The following MATK variants were observed in gnomAD, a reference collection of about 807,000 sequenced individuals.
MATK encodes megakaryocyte-associated tyrosine kinase.
A neutral mutation model predicts 59.8 loss-of-function variants in MATK; 41 were observed. The observed-to-expected ratio is 0.69, with a 90% CI of 0.53 to 0.89. MATK has a LOEUF of 0.89. Ranked by LOEUF, MATK falls within the 40% of genes least tolerant of loss-of-function variation. MATK has a pLI of 0.00. For synonymous variants in MATK, 308 were observed against 306.1 expected (o/e 1.01, Z -0.06); for missense variants, 593 against 719.6 (o/e 0.82, Z 2.01).
At position 3,784,676 on chromosome 19, in the gene MATK, G is replaced by T. The variant is rs1205196939; in HGVS notation, c.132+149C>A. The T allele has an allele frequency of 2.9e-5, 21 of 717,034 alleles. No individual in the cohort carries two copies. The South Asian group carries it at 3.3e-4, about 11-fold the overall frequency. The allele number at this position is 717,034 out of a possible 1,614,324, so 44.4% of individuals were successfully genotyped here. ...AGAGGCGGCCTGGGACAGAAGGTCA[G>T]GAAGCCAAGATGACTGAGAAAGGCC... is the stretch of plus-strand genomic sequence containing the variant. On this transcript the variant is annotated intron_variant, in intron 3 of 13. Transcript: ENST00000310132.
chr19:3,795,213 G>A (rs558220157), intron 1 of MATK, among the ~76,000 whole-genome samples: 1 of 149,918 alleles, frequency 6.7e-6, no homozygotes, highest in South Asian at 2.1e-4. Context: ...TCCTGACCTC[G>A]TGATCCGCCC....
intron 1 of MATK, among the ~76,000 whole-genome samples, chr19:3,796,211 A>G (rs1176277183): frequency 1.3e-5 from 2 of 152,206 alleles, no homozygotes; most frequent in Admixed American, 6.5e-5. Context: ...GTTGGTATGA[A>G]TAGCAGCTGA....
At chr19:3,778,649 C>T in intron 12 of MATK, 54 bp from the exon 13 acceptor site, 2 of 1,546,716 alleles carry the variant, frequency 1.3e-6, no homozygotes, top group Non-Finnish European at 1.8e-6. Flanking sequence ...TCTGCTCCAG[C>T]CCCTGCTTCC....
At chr19:3,796,962 GTCTC>G (rs142558357) in intron 1 of MATK, among the ~76,000 whole-genome samples, 37 of 151,506 alleles carry the variant, frequency 2.4e-4, no homozygotes, top group Non-Finnish European at 4.1e-4. Flanking sequence ...GTTAATTTCT[GTCTC>G]TCTCTCTCTC....
At chr19:3,783,432 A>C (rs2037429933) in intron 6 of MATK, 1 of 601,606 alleles carries the variant, frequency 1.7e-6, no homozygotes, top group Non-Finnish European at 3.0e-6. Context: ...TCCCCAGAGG[A>C]GTCACTCTAG....
chr19:3,783,032 T>C (rs2037422508), intron 7 of MATK, 94 bp downstream of exon 7: 1 of 1,116,044 alleles, frequency 9.0e-7, no homozygotes, highest in Non-Finnish European at 1.3e-6. Flanking sequence ...GCTTGGGTGA[T>C]CTGGCCTCAG....
At position 3,799,331 on chromosome 19, in the gene MATK, C is replaced by T. The variant is rs1053941883; in HGVS notation, c.-58+2201G>A. Reference sequence around the variant, plus strand: ...CCATAGCTGATAAGTTAAAGGGCCACGCTGTGACTAGAGCCCAGAGTCACC... The same window carrying T: ...CCATAGCTGATAAGTTAAAGGGCCATGCTGTGACTAGAGCCCAGAGTCACC... On this transcript the variant is annotated intron_variant, in intron 1 of 13. Transcript: ENST00000395045. Among the ~76,000 whole-genome samples the T allele has an allele frequency of 3.3e-5, 5 of 152,186 alleles. No homozygotes were observed. In the South Asian group the frequency reaches 8.3e-4, roughly 25 times the overall value.
At chr19:3,800,611 A>T (rs2037634964) in intron 1 of MATK, among the ~76,000 whole-genome samples, 1 of 151,670 alleles carries the variant, frequency 6.6e-6, no homozygotes, top group Non-Finnish European at 1.5e-5. Flanking sequence ...GCGCCACTGC[A>T]CTCCAGCCTG....
chr19:3,798,136 T>A (rs1363611171), intron 1 of MATK, among the ~76,000 whole-genome samples: 1 of 152,218 alleles, frequency 6.6e-6, no homozygotes, highest in African/African-American at 2.4e-5. Flanking sequence ...CTCTATGAGC[T>A]CTCCGAGGAT....
intron 8 of MATK, 78 bp from the exon 9 acceptor site, chr19:3,779,875 G>A (rs1287092660): frequency 9.3e-6 from 8 of 858,732 alleles, no homozygotes; most frequent in African/African-American, 5.0e-5. Context: ...GGACAGGCCC[G>A]CTCACACCGG....
At position 3,786,360 on chromosome 19, in the gene MATK, G is replaced by A. The variant is rs1382127157; in HGVS notation, c.-343C>T. 2.0e-6 allele frequency: 2 copies of A among 983,134 alleles called. No homozygotes were observed. Among genetic ancestry groups the A allele is most frequent in the African/African-American group, 1.8e-5 (1 of 56,942 alleles). The allele number at this position is 983,134 out of a possible 1,614,324, so 60.9% of individuals were successfully genotyped here. Reference sequence around the variant, plus strand: ...GCGCCGCGGCCTGGGAGGCCCCCGCGGGTCCTAGCGCCGGCCGCACTGCGG... The same window carrying A: ...GCGCCGCGGCCTGGGAGGCCCCCGCAGGTCCTAGCGCCGGCCGCACTGCGG... On this transcript the variant is annotated 5_prime_UTR_variant, in exon 1 of 14. Transcript: ENST00000310132. The surrounding 1 kb of genome is among the most constrained non-coding windows in gnomAD (Gnocchi z 4.1).
At chr19:3,794,338 A>C (rs1191200470) in intron 1 of MATK, among the ~76,000 whole-genome samples, 2 of 152,162 alleles carry the variant, frequency 1.3e-5, no homozygotes, top group Non-Finnish European at 2.9e-5. Flanking sequence ...AGGCCCTTAC[A>C]GAAGCAGATG....
In MATK at chr19:3,801,147, A is replaced by G. The variant is rs151233620; in HGVS notation, c.-58+385T>C. ...CCACCGCGCCCGGCCGATGCTTCCT[A>G]ATGCATTTCGTTTGCAAAATTTGGG... On this transcript the variant is annotated intron_variant, in intron 1 of 13. Transcript: ENST00000395045. Among the ~76,000 whole-genome samples, 679 of 152,162 alleles carry G rather than the reference A, an allele frequency of 4.5e-3. 3 individuals carry two copies. Among genetic ancestry groups the G allele is most frequent in the South Asian group, 8.7e-3 (42 of 4,826 alleles).
chr19:3,784,970 C>T lies in MATK; in HGVS notation c.73-86G>A, dbSNP rs1417944665. ...ACTTCCAGCCCAGGTCAGGTGGGGG[C>T]GATGGCTGGGCAGGCAGAGAGAGCC... On this transcript the variant is annotated intron_variant, in intron 2 of 13. Coordinates refer to ENST00000310132, the MANE Select transcript of MATK (RefSeq NM_139355.3). The T allele has an allele frequency of 1.5e-5, 21 of 1,419,598 alleles. No homozygotes were observed. The South Asian group carries it at 1.7e-4, about 12-fold the overall frequency. The allele number at this position is 1,419,598 out of a possible 1,614,324, so 87.9% of individuals were successfully genotyped here.
chr19:3,786,949 C>T (rs2037492519), upstream of MATK, among the ~76,000 whole-genome samples: 1 of 151,930 alleles, frequency 6.6e-6, no homozygotes, highest in Non-Finnish European at 1.5e-5. This position sits in a 1 kb window ranked among gnomAD's most constrained non-coding sequence, Gnocchi z 4.1. Context: ...GGAGGTACCC[C>T]TTTTCCAGCC....
At position 3,778,517 on chromosome 19, in the gene MATK, G is replaced by C; in HGVS notation, c.1276C>G (p.Pro426Ala). The change falls in exon 13 of 14, where the codon CCT becomes GCT. Residue 426 changes from proline to alanine, a missense_variant. Transcript: ENST00000310132. ...EVFSYGRAPY[P>A]KMSLKEVSEA... ...CTGGGACCCCCGCTCACCATTTTAG[G>C]GTACGGAGCCCGTCCATATGAGAAG... 1 of 1,613,882 alleles carries C rather than the reference G, an allele frequency of 6.2e-7. No homozygotes were observed.
chr19:3,786,745 T>C (rs1393102243), upstream of MATK, among the ~76,000 whole-genome samples: 1 of 152,018 alleles, frequency 6.6e-6, no homozygotes, highest in Non-Finnish European at 1.5e-5. The surrounding 1 kb of genome is among the most constrained non-coding windows in gnomAD (Gnocchi z 4.1). Context: ...CTATTGGTGG[T>C]TGACAAAAAA....
chr19:3,799,959 G>A (rs1183062447), intron 1 of MATK, among the ~76,000 whole-genome samples: 4 of 149,042 alleles, frequency 2.7e-5, no homozygotes, highest in African/African-American at 7.4e-5. Context: ...TGGCTGACAC[G>A]GTGAAACCCC....
At chr19:3,784,734 G>A in intron 3 of MATK, 91 bp downstream of exon 3, 1 of 885,316 alleles carries the variant, frequency 1.1e-6, no homozygotes, top group South Asian at 1.4e-5. Flanking sequence ...GTAGGGGGCA[G>A]AGAGTACAGC....
Sources: allele counts gnomAD v4.1 joint callset (sites outside exome capture counted in the v4.1 genomes callset), GRCh38; gene constraint gnomAD v4.1.1; non-coding constraint Gnocchi (gnomAD v3.1); transcripts MANE v1.5; gene names NCBI Gene and HGNC (gene_info 2026-07-23, HGNC 2026-07-21).